ZNF763: variants seen among roughly 807,000 people sequenced by gnomAD.
The protein encoded by ZNF763 is zinc finger protein 763.
ZNF763 carries 33 observed loss-of-function variants against 38.0 expected under a neutral mutation model. The observed-to-expected ratio is 0.87, with a 90% CI of 0.66 to 1.16. ZNF763 has a LOEUF of 1.16. Among genes scored for constraint, ZNF763 ranks in the 50% most tolerant of loss-of-function variants. The pLI is 0.00. For synonymous variants in ZNF763, 155 were observed against 160.1 expected, an observed-to-expected ratio of 0.97 and a Z score of 0.24; for missense variants, 423 against 469.1, an observed-to-expected ratio of 0.90 and a Z score of 0.91.
Position 11,978,841 on chromosome 19 carries a change from A to G in ZNF763, c.917A>G (p.His306Arg). ...CHSFQIHERT[H>R]TGEKPCECSK... Reference sequence around the variant, plus strand: ...TCCTTTCAAATACATGAAAGAACTCACACTGGGGAGAAGCCCTGTGAATGT... The same window carrying G: ...TCCTTTCAAATACATGAAAGAACTCGCACTGGGGAGAAGCCCTGTGAATGT... Residue 306 changes from histidine (H) to arginine (R), a missense_variant, in exon 4 of 4, where the codon CAC (histidine) becomes CGC (arginine). Coordinates refer to ENST00000358987, the MANE Select transcript of ZNF763 (RefSeq NM_001367172.2). 6.2e-7 allele frequency: 1 copy of G among 1,614,238 alleles called. No individual in the cohort carries two copies. Among genetic ancestry groups the G allele is most frequent in the Non-Finnish European group, 8.5e-7 (1 of 1,180,034 alleles).
intron 1 of ZNF763, among the ~76,000 whole-genome samples, chr19:11,965,625 CAATT>C (rs1478474663): frequency 4.6e-5 from 7 of 152,310 alleles, no homozygotes; most frequent in East Asian, 1.9e-4. Context: ...AGTACATTAA[CAATT>C]AAAGAGTTCA....
chr19:11,980,205 C>A lies in ZNF763; in HGVS notation c.*1096C>A. 1 of 461,182 alleles carries A rather than the reference C, an allele frequency of 2.2e-6. No individual in the cohort carries two copies. Among genetic ancestry groups the A allele is most frequent in the South Asian group, 2.2e-5 (1 of 46,510 alleles). 28.6% of individuals were successfully genotyped at this position (461,182 alleles called of 1,614,324 possible). ...GACTGGCCTGATCAATATGATGAAA[C>A]CCCTGTCTCTACTAAAACTACAAAA... is the stretch of plus-strand genomic sequence containing the variant. On this transcript the variant is annotated 3_prime_UTR_variant, in exon 4 of 4. Coordinates refer to ENST00000358987, the MANE Select transcript of ZNF763 (RefSeq NM_001367172.2).
chr19:11,979,792 C>G lies in ZNF763; in HGVS notation c.*683C>G. 1 of 1,577,390 alleles carries G rather than the reference C, an allele frequency of 6.3e-7. No individual in the cohort carries two copies. The highest frequency in any genetic ancestry group is 1.7e-5 in the Admixed American group (1 of 59,370). On this transcript the variant is annotated 3_prime_UTR_variant, in exon 4 of 4. Transcript: ENST00000358987. Reference sequence around the variant, plus strand: ...GTAGAACTCACACTGGAGAGAAACCCTATGAGTGTAAGGAATGTGGGAAAG... The same window carrying G: ...GTAGAACTCACACTGGAGAGAAACCGTATGAGTGTAAGGAATGTGGGAAAG...
At position 11,980,407 on chromosome 19, in the gene ZNF763, C is replaced by T. The variant is rs1973595338; in HGVS notation, c.*1298C>T. The T allele has an allele frequency of 6.3e-6, 1 of 157,722 alleles. No homozygotes were observed. 9.8% of individuals were successfully genotyped at this position (157,722 alleles called of 1,614,324 possible). On this transcript the variant is annotated 3_prime_UTR_variant, in exon 4 of 4. Transcript: ENST00000358987. ...AAAAAAAAAAAAAAAAAAGACTTGG[C>T]CTTGTGGTGAGGGGATGTCAGCTCT...
chr19:11,975,840 TTACACCTGGATATA>T (rs1402375181), intron 1 of ZNF763, among the ~76,000 whole-genome samples: 4 of 152,032 alleles, frequency 2.6e-5, no homozygotes, highest in South Asian at 2.1e-4. Context: ...TCTATGCTTA[TTACACCTGGATATA>T]TACACCTGGA....
intron 1 of ZNF763, among the ~76,000 whole-genome samples, chr19:11,970,098 AT>A (rs1973319742): frequency 6.6e-6 from 1 of 152,170 alleles, no homozygotes; most frequent in Non-Finnish European, 1.5e-5. Flanking sequence ...TACATAACCA[AT>A]TCTTGGGGTG....
rs374061636 is a variant in ZNF763 at position 11,978,692 on chromosome 19, T to C, written c.768T>C (p.Tyr256=). The change falls in exon 4 of 4, where the codon TAT becomes TAC. Residue 256 remains tyrosine, a synonymous_variant. Transcript: ENST00000358987. ...GAACTCACACTGGAGAAAAGCCTTA[T>C]GAATGTCAGCAATGTGGGAAAGCAT... is the stretch of plus-strand genomic sequence containing the variant. The part of the protein sequence containing the change: ...HERTHTGEKP[Y]ECQQCGKAFH... 2.5e-6 allele frequency: 4 copies of C among 1,614,214 alleles called. No homozygotes were observed. The highest frequency in any genetic ancestry group is 3.4e-6 in the Non-Finnish European group (4 of 1,180,036).
chr19:11,965,653 C>T lies in ZNF763; in HGVS notation c.3+442C>T, dbSNP rs576867960. On this transcript the variant is annotated intron_variant, in intron 1 of 3. Coordinates refer to ENST00000358987, the MANE Select transcript of ZNF763 (RefSeq NM_001367172.2). ...TTAAAGAGTTCATTTGAGCAAACAG[C>T]AATTCAGTAATGAGAACCACCCAGT... Among the ~76,000 whole-genome samples the T allele has an allele frequency of 5.3e-5, 8 of 152,296 alleles. No homozygotes were observed. The South Asian group carries it at 1.7e-3, about 32-fold the overall frequency.
Position 11,977,103 on chromosome 19 carries a change from T to C in ZNF763, c.69T>C (p.Ile23=). 1 of 1,614,142 alleles carries C rather than the reference T, an allele frequency of 6.2e-7. No individual in the cohort carries two copies. The highest frequency in any genetic ancestry group is 1.1e-5 in the South Asian group (1 of 91,078). The change falls in exon 2 of 4, where the codon ATT becomes ATC. Residue 23 remains isoleucine (I), a synonymous_variant. Transcript: ENST00000358987. ...AGGAGGAGTGGGCTTTGCTGGATAT[T>C]TCGCAGAGGAAACTCTACAGGGAAG... The part of the protein sequence containing the change: ...FTQEEWALLD[I]SQRKLYREVM...
At chr19:11,971,744 T>C (rs1400781843) in intron 1 of ZNF763, among the ~76,000 whole-genome samples, 1 of 152,170 alleles carries the variant, frequency 6.6e-6, no homozygotes, top group East Asian at 1.9e-4. Context: ...CTGAGACTTT[T>C]TTGGGCTTCA....
intron 1 of ZNF763, among the ~76,000 whole-genome samples, chr19:11,969,647 C>T (rs1198264346): frequency 6.6e-6 from 1 of 152,136 alleles, no homozygotes; most frequent in East Asian, 1.9e-4. Context: ...CTGGTTTCCC[C>T]TTACATTTTC....
intron 1 of ZNF763, among the ~76,000 whole-genome samples, chr19:11,973,375 T>C (rs993424206): frequency 9.2e-5 from 14 of 152,196 alleles, no homozygotes; most frequent in Non-Finnish European, 1.9e-4. Flanking sequence ...GCTTGACGAC[T>C]CATTTATTTT....
Position 11,965,277 on chromosome 19 carries a change from T to G in ZNF763, c.3+66T>G. On this transcript the variant is annotated intron_variant, in intron 1 of 3. Coordinates refer to ENST00000358987, the MANE Select transcript of ZNF763 (RefSeq NM_001367172.2). The stretch of plus-strand genomic sequence containing the variant: ...CTGCCTGGAACCGGCCGGAACCGGC[T>G]GCGGCGGGACCCGGGCCTCCCTGCG... The G allele has an allele frequency of 1.9e-6, 3 of 1,609,378 alleles. 1 individual carries two copies. Among genetic ancestry groups the G allele is most frequent in the Non-Finnish European group, 2.5e-6 (3 of 1,177,404 alleles).
chr19:11,974,908 C>G (rs1973452401), intron 1 of ZNF763, among the ~76,000 whole-genome samples: 1 of 152,028 alleles, frequency 6.6e-6, no homozygotes, highest in Non-Finnish European at 1.5e-5. Flanking sequence ...TGGCTGCTAC[C>G]ATGATTGATT....
At chr19:11,974,126 T>TTTCC (rs1177618111) in intron 1 of ZNF763, among the ~76,000 whole-genome samples, 1 of 55,028 alleles carries the variant, frequency 1.8e-5, no homozygotes. Flanking sequence ...TCTTTCTTTC[T>TTTCC]TTTCTTTCTT....
chr19:11,971,826 G>A (rs1407518082), intron 1 of ZNF763, among the ~76,000 whole-genome samples: 1 of 152,160 alleles, frequency 6.6e-6, no homozygotes, highest in Non-Finnish European at 1.5e-5. Context: ...CACTTTGGGA[G>A]GCCAATGTGG....
chr19:11,971,708 TG>T (rs1201402317), intron 1 of ZNF763, among the ~76,000 whole-genome samples: 2 of 152,206 alleles, frequency 1.3e-5, no homozygotes, highest in Non-Finnish European at 2.9e-5. Flanking sequence ...GTAGACTTTT[TG>T]CATAATAATC....
In ZNF763 at chr19:11,979,161, T is replaced by C. The variant is rs1446746513; in HGVS notation, c.*52T>C. 3 of 1,611,886 alleles carry C rather than the reference T, an allele frequency of 1.9e-6. No individual in the cohort carries two copies. The highest frequency in any genetic ancestry group is 4.5e-5 in the East Asian group (2 of 44,864). On this transcript the variant is annotated 3_prime_UTR_variant, in exon 4 of 4. Transcript: ENST00000358987. ...ATTCTGCCAAGTCATTTCGAAGACA[T>C]GAAAAAACTCACACTGGAGAGAAAC...
At chr19:11,968,398 A>T (rs1164999648) in intron 1 of ZNF763, among the ~76,000 whole-genome samples, 1 of 152,048 alleles carries the variant, frequency 6.6e-6, no homozygotes, top group Non-Finnish European at 1.5e-5. Flanking sequence ...GCCCACCAGC[A>T]CACCTGGCTA....
Sources: allele counts gnomAD v4.1 joint callset (sites outside exome capture counted in the v4.1 genomes callset), GRCh38; gene constraint gnomAD v4.1.1; transcripts MANE v1.5; gene names NCBI Gene and HGNC (gene_info 2026-07-23, HGNC 2026-07-21).